PCDHGA3: variants seen among roughly 807,000 people sequenced by gnomAD.
PCDHGA3 encodes protocadherin gamma subfamily A, 3.
Under a neutral mutation model 58.5 loss-of-function variants are expected in PCDHGA3, and 40 were observed. The observed-to-expected ratio is 0.68, with a 90% CI of 0.53 to 0.89. PCDHGA3 has a LOEUF of 0.89. Among genes scored for constraint, PCDHGA3 ranks in the 40% least tolerant of loss-of-function variants. PCDHGA3 has a pLI of 0.00. For missense variants in PCDHGA3, 1,223 were observed against 1,195.9 expected, an observed-to-expected ratio of 1.02 and a Z score of -0.33; for synonymous variants, 530 against 525.7, an observed-to-expected ratio of 1.01 and a Z score of -0.11.
Position 141,376,227 on chromosome 5 carries a change from G to T in PCDHGA3, c.2424+29770G>T, listed in dbSNP as rs1210093854. On this transcript the variant is annotated intron_variant, in intron 1 of 3. Coordinates refer to ENST00000253812, the MANE Select transcript of PCDHGA3 (RefSeq NM_018916.4). ...TTCGTCATCGTGCTGCTGGCGCTCA[G>T]ACTGCAGCGCTGGCACAAGTCACGC... The T allele has an allele frequency of 4.3e-6, 7 of 1,614,216 alleles. No homozygotes were observed. The South Asian group carries it at 7.7e-5, about 18-fold the overall frequency.
At chr5:141,497,878 C>T (rs553853040) in intron 2 of PCDHGA3, among the ~76,000 whole-genome samples, 32 of 152,256 alleles carry the variant, frequency 2.1e-4, no homozygotes, top group Non-Finnish European at 3.5e-4. Flanking sequence ...GTGAAATAAG[C>T]GTTAGGATCT....
Position 141,447,676 on chromosome 5 carries a change from C to T in PCDHGA3, c.2425-47131C>T, listed in dbSNP as rs1466767844. Among the ~76,000 whole-genome samples the T allele has an allele frequency of 2.6e-5, 4 of 152,104 alleles. No individual in the cohort carries two copies. The East Asian group carries it at 7.7e-4, about 29-fold the overall frequency. On this transcript the variant is annotated intron_variant, in intron 1 of 3. Coordinates refer to ENST00000253812, the MANE Select transcript of PCDHGA3 (RefSeq NM_018916.4). The stretch of plus-strand genomic sequence containing the variant: ...CCCCCCCAGGAAGTTAGAACTGTTC[C>T]ATATCTTGATAGAGGGATGGGTTAT...
chr5:141,491,726 C>T lies in PCDHGA3; in HGVS notation c.2425-3081C>T. On this transcript the variant is annotated intron_variant, in intron 1 of 3. Transcript: ENST00000253812. This position sits in a 1 kb window ranked among gnomAD's most constrained non-coding sequence, Gnocchi z 6.9. ...GTGAGGGGCTCGGCGCCGCCCCGGG[C>T]GACCCCTGGGGGCGGCACTGGAGAA... The T allele has an allele frequency of 6.2e-7, 1 of 1,605,884 alleles. No individual in the cohort carries two copies. Among genetic ancestry groups the T allele is most frequent in the East Asian group, 2.2e-5 (1 of 44,600 alleles).
In PCDHGA3 at chr5:141,477,875, G is replaced by A. The variant is rs760433987; in HGVS notation, c.2425-16932G>A. Reference sequence around the variant, plus strand: ...GATGCTGCCTCGAGGTACCTCAGCTGGCCACCTAGTGTCACGGGTGGTAGG... The same window carrying A: ...GATGCTGCCTCGAGGTACCTCAGCTAGCCACCTAGTGTCACGGGTGGTAGG... On this transcript the variant is annotated intron_variant, in intron 1 of 3. Coordinates refer to ENST00000253812, the MANE Select transcript of PCDHGA3 (RefSeq NM_018916.4). The surrounding 1 kb of genome is among the most constrained non-coding windows in gnomAD (Gnocchi z 4.9). 1 of 1,614,162 alleles carries A rather than the reference G, an allele frequency of 6.2e-7. No homozygotes were observed. Among genetic ancestry groups the A allele is most frequent in the Non-Finnish European group, 8.5e-7 (1 of 1,180,028 alleles).
chr5:141,371,562 T>G, intron 1 of PCDHGA3: 1 of 1,613,852 alleles, frequency 6.2e-7, no homozygotes, highest in Non-Finnish European at 8.5e-7. Context: ...AAAAGGAAAC[T>G]TCCCCTTTAA....
chr5:141,347,052 CTCCT>C (rs751921344), intron 1 of PCDHGA3, among the ~76,000 whole-genome samples: 5,595 of 140,234 alleles, frequency 0.04, 232 homozygotes, highest in African/African-American at 0.09. Flanking sequence ...TCTCTCTTTC[CTCCT>C]TCCTTCCTTC....
At chr5:141,372,885 A>G (rs1011969316) in intron 1 of PCDHGA3, 5 of 1,202,158 alleles carry the variant, frequency 4.2e-6, no homozygotes, top group Non-Finnish European at 4.5e-6. Flanking sequence ...AAAAGAATAC[A>G]GATTAAATAT....
chr5:141,435,181 T>C (rs1249878603), intron 1 of PCDHGA3, among the ~76,000 whole-genome samples: 1 of 152,184 alleles, frequency 6.6e-6, no homozygotes, highest in African/African-American at 2.4e-5. Context: ...TTAACTACAC[T>C]TGAGATGGCT....
rs576464275 is a variant in PCDHGA3, at chr5:141,448,784, CA to C, written c.2425-46012del. ...TGAAACCCCGTCTGTACTAAAAATA[CA>C]AAAAAAAAAATTAGCCAGGCGTGAT... On this transcript the variant is annotated intron_variant, in intron 1 of 3. Coordinates refer to ENST00000253812, the MANE Select transcript of PCDHGA3 (RefSeq NM_018916.4). Among the ~76,000 whole-genome samples, 323 of 145,522 alleles carry C rather than the reference CA, an allele frequency of 2.2e-3. 2 individuals are homozygous for C. The highest frequency in any genetic ancestry group is 5.9e-3 in the African/African-American group (238 of 40,012).
intron 1 of PCDHGA3, chr5:141,421,961 A>G: frequency 6.2e-7 from 1 of 1,612,542 alleles, no homozygotes; most frequent in Non-Finnish European, 8.5e-7. Context: ...ATGTTTACAC[A>G]GTCCGTATAT....
intron 1 of PCDHGA3, among the ~76,000 whole-genome samples, chr5:141,452,713 T>TGAGG (rs2098747318): frequency 6.7e-6 from 1 of 148,530 alleles, no homozygotes; most frequent in Non-Finnish European, 1.5e-5. Flanking sequence ...AAGGAAGGAA[T>TGAGG]GAGGGAGGGA....
rs2233610 is a variant in PCDHGA3, at chr5:141,505,535, G to A, written c.2572+54G>A. ...AGTGGGAGACCTGGGGTTCTGGGGT[G>A]CATCTCACAGCCACCATGCCCACGG... is the stretch of plus-strand genomic sequence containing the variant. On this transcript the variant is annotated intron_variant, in intron 3 of 3. Transcript: ENST00000253812. 12 of 1,610,344 alleles carry A rather than the reference G, an allele frequency of 7.5e-6. No individual in the cohort carries two copies. The East Asian group carries it at 1.8e-4, about 24-fold the overall frequency.
intron 1 of PCDHGA3, among the ~76,000 whole-genome samples, chr5:141,449,061 A>G (rs1280366583): frequency 1.3e-5 from 2 of 152,190 alleles, no homozygotes; most frequent in Non-Finnish European, 2.9e-5. Context: ...AATGAGCGCT[A>G]TTGAATAGCC....
At position 141,489,985 on chromosome 5, in the gene PCDHGA3, G is replaced by C. The variant is rs761481986; in HGVS notation, c.2425-4822G>C. ...AACCTTCCAATCCTCAGTTCTACGT[G>C]TGGGAATCCCAGAGAATGCACCCAT... On this transcript the variant is annotated intron_variant, in intron 1 of 3. Coordinates refer to ENST00000253812, the MANE Select transcript of PCDHGA3 (RefSeq NM_018916.4). This position sits in a 1 kb window ranked among gnomAD's most constrained non-coding sequence, Gnocchi z 4.5. 3 of 1,614,212 alleles carry C rather than the reference G, an allele frequency of 1.9e-6. No individual in the cohort carries two copies. The East Asian group carries it at 6.7e-5, about 36-fold the overall frequency.
rs1210499024 is a variant in PCDHGA3 at position 141,431,784 on chromosome 5, A to T, written c.2425-63023A>T. ...CTGATCACTGTTCTGGACGTGAACG[A>T]CAATGCCCCAGAAGTGGTCCTCACC... On this transcript the variant is annotated intron_variant, in intron 1 of 3. Transcript: ENST00000253812. This position sits in a 1 kb window ranked among gnomAD's most constrained non-coding sequence, Gnocchi z 4.8. The T allele has an allele frequency of 6.2e-7, 1 of 1,614,102 alleles. No homozygotes were observed. The highest frequency in any genetic ancestry group is 8.5e-7 in the Non-Finnish European group (1 of 1,180,030).
intron 2 of PCDHGA3, among the ~76,000 whole-genome samples, chr5:141,499,298 C>A (rs1239333151): frequency 6.6e-6 from 1 of 152,210 alleles, no homozygotes; most frequent in African/African-American, 2.4e-5. Context: ...ACACTACCAT[C>A]CCTCCTCTGA....
At chr5:141,379,558 A>G (rs917784555) in intron 1 of PCDHGA3, 4 of 152,206 alleles carry the variant, frequency 2.6e-5, no homozygotes, top group African/African-American at 7.2e-5. Flanking sequence ...ACTACTTTTC[A>G]TGGAGATCAG....
intron 1 of PCDHGA3, chr5:141,413,621 A>G (rs369411784): frequency 1.0e-4 from 161 of 1,613,784 alleles, no homozygotes; most frequent in Admixed American, 1.5e-4. Flanking sequence ...ATTAATGAAA[A>G]TGTCGCTGCG....
rs771459458 is a variant in PCDHGA3 at position 141,394,997 on chromosome 5, C to A, written c.2424+48540C>A. On this transcript the variant is annotated intron_variant, in intron 1 of 3. Coordinates refer to ENST00000253812, the MANE Select transcript of PCDHGA3 (RefSeq NM_018916.4). The stretch of plus-strand genomic sequence containing the variant: ...ACAAGTCACGCCTGCTCCAGGATTC[C>A]GGTGGCAGATTGGTAGGCGTGCCTG... 4 of 1,614,016 alleles carry A rather than the reference C, an allele frequency of 2.5e-6. No individual in the cohort carries two copies. In the South Asian group the frequency reaches 3.3e-5, roughly 13 times the overall value.
Sources: allele counts gnomAD v4.1 joint callset (sites outside exome capture counted in the v4.1 genomes callset), GRCh38; gene constraint gnomAD v4.1.1; non-coding constraint Gnocchi (gnomAD v3.1); transcripts MANE v1.5; gene names NCBI Gene and HGNC (gene_info 2026-07-23, HGNC 2026-07-21).